PHKA1: variants seen among roughly 807,000 people sequenced by gnomAD.
The protein encoded by PHKA1 is phosphorylase kinase regulatory subunit alpha 1.
PHKA1 carries 60 observed loss-of-function variants against 110.2 expected under a neutral mutation model. That is an observed-to-expected ratio of 0.54 (90% CI 0.44 to 0.68). The LOEUF is 0.68. Among genes scored for constraint, PHKA1 ranks in the 30% least tolerant of loss-of-function variants. The pLI, the probability that PHKA1 is intolerant of heterozygous loss-of-function variation, is 0.00. For missense variants in PHKA1, 801 were observed against 942.5 expected (o/e 0.85, Z 1.97); for synonymous variants, 316 against 333.6 (o/e 0.95, Z 0.58).
intron 3 of PHKA1, among the ~76,000 whole-genome samples, chrX:72,703,697 C>T (rs782445739): frequency 9.0e-6 from 1 of 111,627 alleles, no homozygotes; most frequent in East Asian, 2.8e-4. Flanking sequence ...AAGAAAAAAA[C>T]GAAAGTGCAA....
chrX:72,642,510 C>T (rs184477033), intron 14 of PHKA1, among the ~76,000 whole-genome samples: 1 of 111,407 alleles, frequency 9.0e-6, no homozygotes, highest in East Asian at 2.8e-4. Context: ...TAGGGAAATA[C>T]CTTCCTTATC....
intron 5 of PHKA1, among the ~76,000 whole-genome samples, chrX:72,677,569 T>C (rs2053793448): frequency 8.9e-6 from 1 of 111,983 alleles, no homozygotes; most frequent in South Asian, 3.7e-4. Context: ...GGAAGAGCTG[T>C]CCTTTCTCTC....
Position 72,650,418 on chromosome X carries a change from A to T in PHKA1, c.1296T>A (p.Thr432=), listed in dbSNP as rs782330472. 5.0e-6 allele frequency: 6 copies of T among 1,210,815 alleles called. No individual in the cohort carries two copies. Among genetic ancestry groups the T allele is most frequent in the Non-Finnish European group, 6.7e-6 (6 of 894,526 alleles). The part of the protein sequence containing the change: ...EIDPLNRRFS[T]VPKPDVVVQV... ...GAACCACAACATCGGGCTTCGGTAC[A>T]GTAGAAAACCTGCGATTCAGGGGAT... Residue 432 remains threonine (T), a synonymous_variant, in exon 13 of 32, where the codon ACT becomes ACA. Coordinates refer to ENST00000373542, the MANE Select transcript of PHKA1 (RefSeq NM_002637.4).
intron 4 of PHKA1, among the ~76,000 whole-genome samples, chrX:72,693,198 A>C (rs1229590179): frequency 1.8e-5 from 2 of 111,524 alleles, no homozygotes; most frequent in African/African-American, 3.3e-5. Context: ...GAAATCTTTC[A>C]AATTTATTGA....
At chrX:72,617,953 C>T (rs1004560588) in intron 21 of PHKA1, among the ~76,000 whole-genome samples, 9 of 111,603 alleles carry the variant, frequency 8.1e-5, no homozygotes, top group Non-Finnish European at 1.7e-4. Flanking sequence ...AACTAGAAGC[C>T]AGTGAGAATG....
At chrX:72,665,706 T>G (rs184157007) in intron 8 of PHKA1, among the ~76,000 whole-genome samples, 4 of 112,183 alleles carry the variant, frequency 3.6e-5, no homozygotes, top group Non-Finnish European at 7.5e-5. Context: ...AGTTGGTACC[T>G]TGTATCTTTT....
At chrX:72,693,547 T>C (rs1209140773) in intron 4 of PHKA1, among the ~76,000 whole-genome samples, 1 of 111,688 alleles carries the variant, frequency 9.0e-6, no homozygotes, top group Non-Finnish European at 1.9e-5. Context: ...AATTGAGTGC[T>C]GGGAAGGGAT....
At chrX:72,612,049 T>C (rs966792571) in intron 21 of PHKA1, among the ~76,000 whole-genome samples, 1 of 112,002 alleles carries the variant, frequency 8.9e-6, no homozygotes, top group African/African-American at 3.2e-5. Flanking sequence ...GCATTATTCA[T>C]AATAGCCAAA....
At chrX:72,597,963 A>AT (rs1274783595) in intron 28 of PHKA1, among the ~76,000 whole-genome samples, 4 of 111,694 alleles carry the variant, frequency 3.6e-5, no homozygotes, top group Non-Finnish European at 7.5e-5. Flanking sequence ...GCCTTCTTAG[A>AT]TATGACACCA....
rs377488202 is a variant in PHKA1, at chrX:72,681,754, A to G, written c.537+2744T>C. Among the ~76,000 whole-genome samples the G allele has an allele frequency of 0.02, 831 of 40,596 alleles. 36 individuals carry two copies. In the East Asian group the frequency reaches 0.38, roughly 19 times the overall value. 35.3% of individuals were successfully genotyped at this position (40,596 alleles called of 115,157 possible). On this transcript the variant is annotated intron_variant, in intron 5 of 31. Coordinates refer to ENST00000373542, the MANE Select transcript of PHKA1 (RefSeq NM_002637.4). The stretch of plus-strand genomic sequence containing the variant: ...AGCCCTCCGCCCGGCCAGCCGCCCC[A>G]TCTGGGAGGTGAGGGGCGCCTCTGC...
chrX:72,657,594 A>C lies in PHKA1; in HGVS notation c.912T>G (p.Pro304=). The change falls in exon 9 of 32, where the codon CCT becomes CCG. Residue 304 remains proline (P), a synonymous_variant. Transcript: ENST00000373542. ...TTGGAGAAAAGAAACCTACCTCTTT[A>C]GGAGTTTTATATCCATCTCGTAGAA... The part of the protein sequence containing the change: ...CRFLRDGYKT[P]KEDPNRLYYE... 8.4e-7 allele frequency: 1 copy of C among 1,190,230 alleles called. No homozygotes were observed. The highest frequency in any genetic ancestry group is 1.1e-6 in the Non-Finnish European group (1 of 879,845).
intron 8 of PHKA1, among the ~76,000 whole-genome samples, chrX:72,662,502 G>A (rs782624705): frequency 4.5e-5 from 5 of 112,107 alleles, no homozygotes; most frequent in African/African-American, 1.3e-4. Context: ...CAGAGAAACA[G>A]CCCAGTGGCT....
chrX:72,657,956 T>C (rs2053515866), intron 8 of PHKA1, among the ~76,000 whole-genome samples: 1 of 111,639 alleles, frequency 9.0e-6, no homozygotes, highest in South Asian at 3.8e-4. Context: ...ATTACTAATC[T>C]ATGTGGTCCT....
In PHKA1 at chrX:72,582,688, A is replaced by G. The variant is rs146553157; in HGVS notation, c.3298-90T>C. 1.3e-4 allele frequency: 76 copies of G among 596,040 alleles called. 1 individual carries two copies. The highest frequency in any genetic ancestry group is 1.2e-3 in the African/African-American group (56 of 44,833). The allele number at this position is 596,040 out of a possible 1,213,427, so 49.1% of individuals were successfully genotyped here. Reference sequence around the variant, plus strand: ...CTCTGAAAGGCAGTAAAAACACTGTAGCCATGAGCATTGATTCAGCCCCCT... The same window carrying G: ...CTCTGAAAGGCAGTAAAAACACTGTGGCCATGAGCATTGATTCAGCCCCCT... On this transcript the variant is annotated intron_variant, in intron 30 of 31. Coordinates refer to ENST00000373542, the MANE Select transcript of PHKA1 (RefSeq NM_002637.4).
At chrX:72,710,204 A>G (rs192684974) in intron 2 of PHKA1, among the ~76,000 whole-genome samples, 6 of 112,163 alleles carry the variant, frequency 5.3e-5, no homozygotes, top group Admixed American at 1.9e-4. Context: ...CCTGAACAAC[A>G]TAAGTTTGAA....
intron 29 of PHKA1, among the ~76,000 whole-genome samples, chrX:72,588,574 G>C (rs949618385): frequency 3.6e-5 from 4 of 111,435 alleles, no homozygotes; most frequent in Non-Finnish European, 5.7e-5. Flanking sequence ...AAATAACTAA[G>C]ATCAGAGCAG....
At chrX:72,675,993 C>T (rs1338994375) in intron 6 of PHKA1, 77 bp downstream of exon 6, 31 of 707,650 alleles carry the variant, frequency 4.4e-5, no homozygotes, top group Non-Finnish European at 6.6e-5. Context: ...TCCACAGTCA[C>T]ATTAAGTTTT....
chrX:72,711,831 C>T (rs1403149226), intron 2 of PHKA1: 1 of 110,655 alleles, frequency 9.0e-6, no homozygotes, highest in Non-Finnish European at 1.9e-5. Context: ...TTTGGTGGAC[C>T]TATGTATCTC....
chrX:72,601,584 A>C (rs1393075211), intron 28 of PHKA1, among the ~76,000 whole-genome samples: 1 of 110,795 alleles, frequency 9.0e-6, no homozygotes, highest in African/African-American at 3.3e-5. Context: ...GTTTCTGGCT[A>C]AACTGACTTA....
Sources: gnomAD v4.1 joint callset for allele counts (sites outside exome capture counted in the v4.1 genomes callset) on GRCh38, gnomAD v4.1.1 for gene constraint, MANE v1.5 for transcripts, NCBI Gene and HGNC (gene_info 2026-07-23, HGNC 2026-07-21) for gene names.